Variants in PLEKHH2 observed in about 807,000 individuals in gnomAD.
The protein encoded by PLEKHH2 is pleckstrin homology domain-containing family H member 2.
In PLEKHH2, 129 loss-of-function variants were observed where a neutral mutation model predicts 187.9. That is an observed-to-expected ratio of 0.69 (90% CI 0.59 to 0.79). The LOEUF is 0.79. PLEKHH2 is among the 30% of genes least tolerant of loss of function. PLEKHH2 has a pLI of 0.00. For missense variants in PLEKHH2, 2,076 were observed against 1,751.2 expected, an observed-to-expected ratio of 1.19 and a Z score of -3.31; for synonymous variants, 686 against 605.6, an observed-to-expected ratio of 1.13 and a Z score of -1.95.
intron 15 of PLEKHH2, among the ~76,000 whole-genome samples, chr2:43,719,361 A>G (rs1487782429): frequency 6.6e-6 from 1 of 152,214 alleles, no homozygotes; most frequent in African/African-American, 2.4e-5. Context: ...GATTACTTCT[A>G]AGAAGGCATC....
At chr2:43,751,146 T>C (rs1266724105) in intron 24 of PLEKHH2, among the ~76,000 whole-genome samples, 1 of 152,228 alleles carries the variant, frequency 6.6e-6, no homozygotes, top group Non-Finnish European at 1.5e-5. Context: ...GTAAAGCACT[T>C]GGTTCAGAGC....
chr2:43,753,227 G>A (rs982559880), intron 24 of PLEKHH2, among the ~76,000 whole-genome samples: 5 of 152,036 alleles, frequency 3.3e-5, no homozygotes, highest in Admixed American at 6.5e-5. Flanking sequence ...GGTGTTTCAA[G>A]GCCTAGAAAA....
intron 24 of PLEKHH2, among the ~76,000 whole-genome samples, chr2:43,746,232 G>A (rs925888126): frequency 6.6e-5 from 10 of 152,178 alleles, no homozygotes; most frequent in Non-Finnish European, 4.4e-5. Context: ...AGCTGAGCAC[G>A]GTGGCTCACG....
At chr2:43,645,641 G>A (rs1337722583) in intron 2 of PLEKHH2, among the ~76,000 whole-genome samples, 5 of 152,096 alleles carry the variant, frequency 3.3e-5, no homozygotes, top group African/African-American at 9.7e-5. Flanking sequence ...TTTTTATATT[G>A]ATTATATGTT....
chr2:43,707,128 G>A (rs1321999571), intron 10 of PLEKHH2, among the ~76,000 whole-genome samples: 2 of 146,794 alleles, frequency 1.4e-5, no homozygotes, highest in African/African-American at 2.5e-5. Flanking sequence ...CCTGGGAGGC[G>A]GAGGTTGCAG....
chr2:43,640,208 A>G (rs1362220366), intron 1 of PLEKHH2, among the ~76,000 whole-genome samples: 1 of 107,930 alleles, frequency 9.3e-6, no homozygotes, highest in Non-Finnish European at 1.9e-5. Context: ...CTTTATATTT[A>G]AACTTTTTTT....
chr2:43,729,670 G>C lies in PLEKHH2; in HGVS notation c.2755G>C (p.Gly919Arg), dbSNP rs142188427. 1.9e-6 allele frequency: 3 copies of C among 1,607,548 alleles called. No individual in the cohort carries two copies. The highest frequency in any genetic ancestry group is 2.5e-6 in the Non-Finnish European group (3 of 1,177,688). The change falls in exon 18 of 30, where the codon GGA becomes CGA. Residue 919 changes from glycine to arginine, a missense_variant. Coordinates refer to ENST00000282406, the MANE Select transcript of PLEKHH2 (RefSeq NM_172069.4). ...GCTTTATCATCTGACTGTTGCAGCT[G>C]GAAGCAACAATGTAAACGTTGGATC... ...TWLYHLTVAA[G>R]SNNVNVGSEF...
At chr2:43,698,998 A>G (rs556255327) in intron 7 of PLEKHH2, among the ~76,000 whole-genome samples, 4 of 152,302 alleles carry the variant, frequency 2.6e-5, no homozygotes, top group South Asian at 4.1e-4. Flanking sequence ...AGTTTGGTGC[A>G]AGGTCTGTTT....
intron 4 of PLEKHH2, among the ~76,000 whole-genome samples, chr2:43,693,122 A>G (rs1668897344): frequency 6.6e-6 from 1 of 151,530 alleles, no homozygotes; most frequent in African/African-American, 2.4e-5. Flanking sequence ...TTAAGAAGAG[A>G]AAGGGTTTTG....
intron 2 of PLEKHH2, among the ~76,000 whole-genome samples, chr2:43,670,774 C>G (rs1017161192): frequency 1.3e-5 from 2 of 152,060 alleles, no homozygotes; most frequent in Non-Finnish European, 2.9e-5. Context: ...AGAGAACTGA[C>G]AATAATATCG....
chr2:43,723,142 G>A (rs1199458169), intron 16 of PLEKHH2, among the ~76,000 whole-genome samples: 1 of 152,102 alleles, frequency 6.6e-6, no homozygotes, highest in Non-Finnish European at 1.5e-5. Context: ...TACACAATTA[G>A]GTTAGTATTG....
At chr2:43,762,127 C>T (rs1283982632) in intron 27 of PLEKHH2, among the ~76,000 whole-genome samples, 177 bp from the exon 28 acceptor site, 1 of 152,124 alleles carries the variant, frequency 6.6e-6, no homozygotes, top group African/African-American at 2.4e-5. Context: ...CTCCTAATAT[C>T]GAATTCACTC....
At chr2:43,684,026 C>T (rs1668371327) in intron 3 of PLEKHH2, among the ~76,000 whole-genome samples, 2 of 152,110 alleles carry the variant, frequency 1.3e-5, no homozygotes, top group Non-Finnish European at 2.9e-5. Flanking sequence ...AACTGATGAA[C>T]CAACACTGAC....
chr2:43,670,157 C>T (rs1432813698), intron 2 of PLEKHH2, among the ~76,000 whole-genome samples: 3 of 152,080 alleles, frequency 2.0e-5, no homozygotes, highest in Non-Finnish European at 4.4e-5. Flanking sequence ...AAAACATGAC[C>T]TTTATATCAT....
At chr2:43,722,456 A>T (rs1020955188) in intron 16 of PLEKHH2, among the ~76,000 whole-genome samples, 11 of 152,126 alleles carry the variant, frequency 7.2e-5, no homozygotes, top group African/African-American at 2.7e-4. Context: ...TTCACTGGGA[A>T]GCTTCAGTGA....
At chr2:43,712,117 A>C in intron 14 of PLEKHH2, 108 bp from the exon 15 acceptor site, 1 of 1,400,042 alleles carries the variant, frequency 7.1e-7, no homozygotes, top group Non-Finnish European at 9.7e-7. Context: ...GAGATTTAGC[A>C]TGTTTGCTTC....
Position 43,743,830 on chromosome 2 carries a change from C to G in PLEKHH2, c.3400-4C>G, listed in dbSNP as rs754176768. On this transcript the variant is annotated splice_polypyrimidine_tract_variant and splice_region_variant and intron_variant, in intron 22 of 29. Transcript: ENST00000282406. Reference sequence around the variant, plus strand: ...AAGAGAACTGCTTTGTTATTTCTGTCTAGGTAGTTGGTTTTGACGCATCTA... The same window carrying G: ...AAGAGAACTGCTTTGTTATTTCTGTGTAGGTAGTTGGTTTTGACGCATCTA... 6.2e-7 allele frequency: 1 copy of G among 1,610,210 alleles called. No individual in the cohort carries two copies. Among genetic ancestry groups the G allele is most frequent in the Non-Finnish European group, 8.5e-7 (1 of 1,177,092 alleles).
At chr2:43,681,013 C>T in intron 3 of PLEKHH2, 1 of 1,258,838 alleles carries the variant, frequency 7.9e-7, no homozygotes, top group Non-Finnish European at 1.1e-6. Flanking sequence ...GAAAAGTCAC[C>T]TGTTCCCTCA....
At chr2:43,688,880 T>G (rs1005023188) in intron 3 of PLEKHH2, among the ~76,000 whole-genome samples, 1 of 152,174 alleles carries the variant, frequency 6.6e-6, no homozygotes, top group Admixed American at 6.5e-5. Flanking sequence ...TACTCAAGCC[T>G]TGGTGTCCAG....
Sources: allele counts gnomAD v4.1 joint callset (sites outside exome capture counted in the v4.1 genomes callset), GRCh38; gene constraint gnomAD v4.1.1; transcripts MANE v1.5; gene names NCBI Gene and HGNC (gene_info 2026-07-23, HGNC 2026-07-21).